IKZF3: variants seen among roughly 807,000 people sequenced by gnomAD.
IKZF3 encodes IKAROS family zinc finger 3.
In IKZF3, 10 loss-of-function variants were observed where a neutral mutation model predicts 49.0. The ratio of observed to expected loss-of-function variants is 0.20; its 90% confidence interval spans 0.13 to 0.35. IKZF3 has a LOEUF of 0.35. IKZF3 is among the 10% of genes least tolerant of loss of function. The pLI, the probability that IKZF3 is intolerant of heterozygous loss-of-function variation, is 1.00. For synonymous variants in IKZF3, 209 were observed against 228.2 expected, an observed-to-expected ratio of 0.92 and a Z score of 0.76; for missense variants, 498 against 664.8, an observed-to-expected ratio of 0.75 and a Z score of 2.76.
chr17:39,822,007 A>G (rs2061821248), intron 3 of IKZF3, among the ~76,000 whole-genome samples: 1 of 152,168 alleles, frequency 6.6e-6, no homozygotes, highest in African/African-American at 2.4e-5. Flanking sequence ...ACAATCACAG[A>G]TGGCTACACA....
intron 6 of IKZF3, 107 bp from the exon 7 acceptor site, chr17:39,777,874 ATTG>A (rs1342000136): frequency 1.3e-6 from 2 of 1,516,288 alleles, no homozygotes; most frequent in Admixed American, 4.2e-5. Flanking sequence ...TGCACACTCT[ATTG>A]TTGTTACCTG....
chr17:39,827,938 CCT>C (rs2062001320), intron 3 of IKZF3, among the ~76,000 whole-genome samples: 4 of 152,138 alleles, frequency 2.6e-5, no homozygotes. Context: ...TAGGTAGATT[CCT>C]CTGTTTTTCT....
In IKZF3 at chr17:39,864,106, G is replaced by A; in HGVS notation, c.7+14C>T. The A allele has an allele frequency of 3.1e-6, 5 of 1,612,896 alleles. No individual in the cohort carries two copies. Among genetic ancestry groups the A allele is most frequent in the East Asian group, 2.2e-5 (1 of 44,604 alleles). On this transcript the variant is annotated intron_variant, in intron 1 of 7. Transcript: ENST00000346872. ...TCAAAGACCCCGGAGAAAAGAAGCG[G>A]GCTGGAGGCTCACCTTCCATGTCGC...
At chr17:39,776,126 C>T (rs1471233669) in intron 7 of IKZF3, among the ~76,000 whole-genome samples, 1 of 151,958 alleles carries the variant, frequency 6.6e-6, no homozygotes, top group African/African-American at 2.4e-5. Context: ...TGGTGCGTGC[C>T]CATAGTTCCA....
intron 2 of IKZF3, 84 bp from the exon 3 acceptor site, chr17:39,829,572 T>G (rs2062052756): frequency 1.1e-6 from 1 of 913,440 alleles, no homozygotes; most frequent in South Asian, 1.5e-5. Flanking sequence ...CCCATTTAAC[T>G]TTCAGCTTCA....
intron 3 of IKZF3, among the ~76,000 whole-genome samples, chr17:39,826,285 C>T (rs1041451756): frequency 1.3e-5 from 2 of 152,192 alleles, no homozygotes; most frequent in South Asian, 2.1e-4. Flanking sequence ...TCAAGCAATC[C>T]TCCTGCCTTG....
At chr17:39,779,015 T>G (rs2060661261) in intron 6 of IKZF3, among the ~76,000 whole-genome samples, 1 of 152,218 alleles carries the variant, frequency 6.6e-6, no homozygotes, top group African/African-American at 2.4e-5. Context: ...AAGAATATTT[T>G]CAAAGCTCCC....
At chr17:39,798,418 A>G (rs1477143966) in intron 3 of IKZF3, among the ~76,000 whole-genome samples, 1 of 152,168 alleles carries the variant, frequency 6.6e-6, no homozygotes, top group East Asian at 1.9e-4. Context: ...TAGATCTTTA[A>G]CTAAAGAGCT....
At chr17:39,863,258 T>C (rs1430628872) in intron 1 of IKZF3, among the ~76,000 whole-genome samples, 2 of 152,152 alleles carry the variant, frequency 1.3e-5, no homozygotes, top group African/African-American at 4.8e-5. Context: ...ACTCTAGAAA[T>C]AAAGCTGCCA....
chr17:39,811,002 G>T (rs1056956753), intron 3 of IKZF3, among the ~76,000 whole-genome samples: 6 of 152,106 alleles, frequency 3.9e-5, no homozygotes, highest in Non-Finnish European at 7.4e-5. Flanking sequence ...CAATTTGGGA[G>T]ACCAAGGCGA....
rs139045792 is a variant in IKZF3 at position 39,824,798 on chromosome 17, C to T, written c.163+4589G>A. On this transcript the variant is annotated intron_variant, in intron 3 of 7. Coordinates refer to ENST00000346872, the MANE Select transcript of IKZF3 (RefSeq NM_012481.5). ...GCAAGCTCTGCCTCCCAGGTTCACG[C>T]AATTCTCCTGCCTCAGCCTCCCAAG... Among the ~76,000 whole-genome samples, 1,057 of 152,096 alleles carry T rather than the reference C, an allele frequency of 6.9e-3. 18 individuals carry two copies. Among genetic ancestry groups the T allele is most frequent in the African/African-American group, 0.025 (1,025 of 41,488 alleles).
intron 1 of IKZF3, among the ~76,000 whole-genome samples, chr17:39,849,310 GAAA>G (rs34404658): frequency 2.8e-5 from 1 of 35,996 alleles, no homozygotes; most frequent in Non-Finnish European, 6.8e-5. Context: ...ATAGCACCTG[GAAA>G]AAAAAAAAAA....
At position 39,765,814 on chromosome 17, in the gene IKZF3, T is replaced by C; in HGVS notation, c.1506A>G (p.Gly502=). Residue 502 remains glycine, a synonymous_variant, in exon 8 of 8, where the codon GGA becomes GGG. Transcript: ENST00000346872. ...RYEFSSHIAR[G]EHRALLK is the part of the protein sequence containing the mutation. Reference sequence around the variant, plus strand: ...TTCACTTCAGCAGGGCTCTGTGTTCTCCTCTGGCTATGTGAGACGAGAACT... The same window carrying C: ...TTCACTTCAGCAGGGCTCTGTGTTCCCCTCTGGCTATGTGAGACGAGAACT... 1 of 1,607,778 alleles carries C rather than the reference T, an allele frequency of 6.2e-7. No individual in the cohort carries two copies. Among genetic ancestry groups the C allele is most frequent in the South Asian group, 1.1e-5 (1 of 90,856 alleles).
chr17:39,848,295 T>C (rs561009030), intron 1 of IKZF3, among the ~76,000 whole-genome samples: 5 of 152,362 alleles, frequency 3.3e-5, no homozygotes. Flanking sequence ...CTGACAACTG[T>C]TGTTAAAACA....
At chr17:39,834,414 T>G (rs2062203850) in intron 1 of IKZF3, among the ~76,000 whole-genome samples, 1 of 152,240 alleles carries the variant, frequency 6.6e-6, no homozygotes, top group Admixed American at 6.5e-5. Context: ...CCTGTAAGCA[T>G]TGCTTTAGCT....
At chr17:39,818,132 C>T (rs1465260221) in intron 3 of IKZF3, among the ~76,000 whole-genome samples, 1 of 152,112 alleles carries the variant, frequency 6.6e-6, no homozygotes, top group East Asian at 1.9e-4. Context: ...ATACTGTAGG[C>T]AACTGTAACA....
intron 1 of IKZF3, among the ~76,000 whole-genome samples, chr17:39,850,293 CAATATATAGCATATTATACATGTACATAT>C (rs1568062871): frequency 5.3e-5 from 7 of 133,284 alleles, no homozygotes; most frequent in African/African-American, 1.4e-4. Flanking sequence ...ATAGTATATA[CAATATATAGCATATTATACATGTACATAT>C]AATATATAGC....
intron 3 of IKZF3, among the ~76,000 whole-genome samples, chr17:39,814,913 G>A (rs538072105): frequency 6.6e-6 from 1 of 152,292 alleles, no homozygotes; most frequent in South Asian, 2.1e-4. Flanking sequence ...GAGGGTAAAT[G>A]TGCAACTCAG....
At chr17:39,773,999 G>GA (rs1167199669) in intron 7 of IKZF3, among the ~76,000 whole-genome samples, 3 of 150,042 alleles carry the variant, frequency 2.0e-5, no homozygotes, top group Non-Finnish European at 3.0e-5. Flanking sequence ...TGGAGAATTA[G>GA]AAAAAAAAAT....
Sources: gnomAD v4.1 joint callset for allele counts (sites outside exome capture counted in the v4.1 genomes callset) on GRCh38, gnomAD v4.1.1 for gene constraint, MANE v1.5 for transcripts, NCBI Gene and HGNC (gene_info 2026-07-23, HGNC 2026-07-21) for gene names.